The following SGCZ variants were observed in gnomAD, a reference collection of about 807,000 sequenced individuals.
SGCZ encodes the protein zeta-sarcoglycan.
A neutral mutation model predicts 41.3 loss-of-function variants in SGCZ; 40 were observed. The observed-to-expected ratio is 0.97, with a 90% CI of 0.75 to 1.26. SGCZ has a LOEUF of 1.26. Ranked by LOEUF, SGCZ falls within the 50% of genes most tolerant of loss-of-function variation. The pLI is 0.00. For missense variants in SGCZ, 552 were observed against 369.8 expected (o/e 1.49, Z -4.04); for synonymous variants, 206 against 137.5 (o/e 1.50, Z -3.49).
chr8:14,886,025 ATATAT>A, intron 1 of SGCZ, among the ~76,000 whole-genome samples: 2 of 118,288 alleles, frequency 1.7e-5, no homozygotes, highest in South Asian at 2.5e-4. Context: ...ATATATATAT[ATATAT>A]ATATAAAATT....
intron 2 of SGCZ, among the ~76,000 whole-genome samples, chr8:14,416,608 G>T (rs1429952352): frequency 2.0e-5 from 3 of 151,780 alleles, no homozygotes. Context: ...CAGGGTATTT[G>T]TCAATACTGG....
At chr8:14,719,125 T>A (rs1228098552) in intron 1 of SGCZ, among the ~76,000 whole-genome samples, 9 of 150,908 alleles carry the variant, frequency 6.0e-5, no homozygotes, top group Non-Finnish European at 1.2e-4. Flanking sequence ...GTTCTTGCTA[T>A]AGTTTACTGA....
chr8:14,370,585 T>C (rs1285650285), intron 2 of SGCZ, among the ~76,000 whole-genome samples: 7 of 151,894 alleles, frequency 4.6e-5, no homozygotes, highest in Non-Finnish European at 1.0e-4. Context: ...TCAGCACTAG[T>C]GTTAAGTATT....
intron 2 of SGCZ, among the ~76,000 whole-genome samples, chr8:14,544,310 A>T (rs1420915666): frequency 6.6e-6 from 1 of 152,162 alleles, no homozygotes; most frequent in Non-Finnish European, 1.5e-5. Context: ...TAACTGTACA[A>T]ATTGATTGTA....
At chr8:14,525,030 TAGAA>T (rs1802897190) in intron 2 of SGCZ, among the ~76,000 whole-genome samples, 1 of 152,016 alleles carries the variant, frequency 6.6e-6, no homozygotes, top group Non-Finnish European at 1.5e-5. Flanking sequence ...TATTCACAGA[TAGAA>T]AGATTGATAG....
intron 1 of SGCZ, among the ~76,000 whole-genome samples, chr8:14,887,725 A>G (rs1268860654): frequency 1.3e-5 from 2 of 152,200 alleles, no homozygotes; most frequent in Non-Finnish European, 2.9e-5. Context: ...TAATAACTGA[A>G]TACTTAAAGG....
chr8:14,811,212 G>T lies in SGCZ; in HGVS notation c.40-256286C>A, dbSNP rs150490083. On this transcript the variant is annotated intron_variant, in intron 1 of 7. Coordinates refer to ENST00000382080, the MANE Select transcript of SGCZ (RefSeq NM_139167.4). ...TCAAATTTGTTGTGTTCATTAAAAT[G>T]AATTCAGTGTTTCATTTAGTGTCCT... Among the ~76,000 whole-genome samples the T allele has an allele frequency of 2.8e-3, 433 of 152,094 alleles. 2 individuals carry two copies. The highest frequency in any genetic ancestry group is 9.9e-3 in the African/African-American group (410 of 41,534).
In SGCZ at chr8:14,102,094, ATATATATATAAT is replaced by A. The variant is rs1449708588; in HGVS notation, c.744+270_744+281del. Among the ~76,000 whole-genome samples the A allele has an allele frequency of 5.9e-3, 619 of 104,128 alleles. 11 individuals carry two copies. The highest frequency in any genetic ancestry group is 0.024 in the African/African-American group (590 of 24,328). 68.3% of individuals were successfully genotyped at this position (104,128 alleles called of 152,430 possible). ...GCTAACTTTATATATATATATATATATATATATATAATTTTTTTTTTTTTTAGTAGAGATGGG... is the reference window on the plus strand; with the variant it reads ...GCTAACTTTATATATATATATATATATTTTTTTTTTTTTAGTAGAGATGGG... On this transcript the variant is annotated intron_variant, in intron 7 of 7. Coordinates refer to ENST00000382080, the MANE Select transcript of SGCZ (RefSeq NM_139167.4).
intron 1 of SGCZ, among the ~76,000 whole-genome samples, chr8:14,915,523 G>C (rs1043889361): frequency 6.6e-6 from 1 of 152,156 alleles, no homozygotes; most frequent in East Asian, 1.9e-4. Flanking sequence ...ACATGTTCAA[G>C]ATGGCGGCCC....
intron 2 of SGCZ, among the ~76,000 whole-genome samples, chr8:14,327,436 G>A (rs7814468): frequency 0.19 from 28,720 of 152,166 alleles, 3,355 homozygotes; most frequent in Non-Finnish European, 0.27. Flanking sequence ...TGCCTGCTGG[G>A]AGAAAATGTT....
At chr8:14,332,559 G>C (rs950834435) in intron 2 of SGCZ, 1 of 152,074 alleles carries the variant, frequency 6.6e-6, no homozygotes, top group Admixed American at 6.6e-5. Context: ...CAGTGAGGCT[G>C]GTCTGAAGGT....
At chr8:14,831,938 G>C (rs759661128) in intron 1 of SGCZ, among the ~76,000 whole-genome samples, 10 of 151,842 alleles carry the variant, frequency 6.6e-5, no homozygotes, top group African/African-American at 2.2e-4. Flanking sequence ...CCTAATTCCT[G>C]ATTGATTTAA....
chr8:15,066,010 C>T (rs2131019412), intron 1 of SGCZ, among the ~76,000 whole-genome samples: 1 of 152,212 alleles, frequency 6.6e-6, no homozygotes, highest in African/African-American at 2.4e-5. Context: ...TATTAATGGC[C>T]TTAGAAGTCC....
intron 1 of SGCZ, among the ~76,000 whole-genome samples, chr8:15,012,560 A>C (rs573048085): frequency 3.0e-5 from 4 of 132,068 alleles, no homozygotes; most frequent in Non-Finnish European, 6.4e-5. Flanking sequence ...ATTTATATAT[A>C]ACATATAAAT....
At chr8:14,780,602 G>C (rs966044594) in intron 1 of SGCZ, among the ~76,000 whole-genome samples, 1 of 152,030 alleles carries the variant, frequency 6.6e-6, no homozygotes, top group Admixed American at 6.6e-5. Context: ...GAAACAGGTA[G>C]AATAAAGTGT....
rs933811402 is a variant in SGCZ, at chr8:14,441,961, T to G, written c.234+112771A>C. On this transcript the variant is annotated intron_variant, in intron 2 of 7. Transcript: ENST00000382080. ...TCTGACGTATCTAAATTGTTCTATG[T>G]AACCAGGCCATTTCATATTCTCTTA... Among the ~76,000 whole-genome samples, 6 of 152,346 alleles carry G rather than the reference T, an allele frequency of 3.9e-5. No individual in the cohort carries two copies. In the East Asian group the frequency reaches 9.6e-4, roughly 24 times the overall value.
intron 1 of SGCZ, among the ~76,000 whole-genome samples, chr8:14,885,734 G>A (rs961011994): frequency 6.6e-6 from 1 of 151,908 alleles, no homozygotes; most frequent in Non-Finnish European, 1.5e-5. Context: ...CCAAGCAAAT[G>A]TCAGGGTTAT....
intron 1 of SGCZ, among the ~76,000 whole-genome samples, chr8:14,860,288 C>T (rs73666905): frequency 0.048 from 7,366 of 151,896 alleles, 227 homozygotes; most frequent in African/African-American, 0.072. Context: ...TTTAAATTCA[C>T]TCCCAAGAGC....
intron 3 of SGCZ, among the ~76,000 whole-genome samples, chr8:14,270,164 T>C (rs1413174531): frequency 1.3e-5 from 1 of 78,502 alleles, no homozygotes; most frequent in Non-Finnish European, 4.0e-5. Flanking sequence ...AAACCCTGTG[T>C]TCTATGAATA....
Sources: gnomAD v4.1 joint callset for allele counts (sites outside exome capture counted in the v4.1 genomes callset) on GRCh38, gnomAD v4.1.1 for gene constraint, MANE v1.5 for transcripts, NCBI Gene and HGNC (gene_info 2026-07-23, HGNC 2026-07-21) for gene names.